DNAH9: variants seen among roughly 807,000 people sequenced by gnomAD.
DNAH9 encodes the protein dynein axonemal heavy chain 9, also known as DNAH9 variant protein.
In DNAH9, 345 loss-of-function variants were observed where a neutral mutation model predicts 471.6. The observed-to-expected ratio is 0.73, with a 90% CI of 0.67 to 0.80. The LOEUF is 0.80. Among genes scored for constraint, DNAH9 ranks in the 30% least tolerant of loss-of-function variants. The pLI, the probability that DNAH9 is intolerant of heterozygous loss-of-function variation, is 0.00. For missense variants in DNAH9, 5,407 were observed against 5,609.2 expected, an observed-to-expected ratio of 0.96 and a Z score of 1.15; for synonymous variants, 2,093 against 2,123.6, an observed-to-expected ratio of 0.99 and a Z score of 0.40.
chr17:11,849,822 G>A (rs1348070597), intron 49 of DNAH9, among the ~76,000 whole-genome samples: 5 of 152,182 alleles, frequency 3.3e-5, no homozygotes, highest in African/African-American at 1.2e-4. Context: ...AAAGGACTTT[G>A]CCTTTCTTGT....
At position 11,689,927 on chromosome 17, in the gene DNAH9, T is replaced by A; in HGVS notation, c.4105T>A (p.Ser1369Thr). The A allele has an allele frequency of 6.2e-7, 1 of 1,610,736 alleles. No individual in the cohort carries two copies. Among genetic ancestry groups the A allele is most frequent in the Non-Finnish European group, 8.5e-7 (1 of 1,178,412 alleles). ...LESTVWNTLS[S>T]LRAVAELQNP... ...AAGCACTGTGTGGAACACGCTGAGC[T>A]CCCTGAGGGCAGTAGCTGAGCTGCA... The change falls in exon 20 of 69, where the codon TCC becomes ACC. Residue 1369 changes from serine (S) to threonine (T), a missense_variant. Physicochemically the swap from Ser to Thr is moderately conservative, Grantham distance 58 (BLOSUM62 1). This residue lies in a region of DNAH9 where 4,636 missense variants were observed against 4,900.3 expected (regional missense o/e 0.95). Transcript: ENST00000262442.
At chr17:11,672,705 G>T (rs2150732234) in intron 17 of DNAH9, among the ~76,000 whole-genome samples, 1 of 152,006 alleles carries the variant, frequency 6.6e-6, no homozygotes, top group Non-Finnish European at 1.5e-5. Flanking sequence ...CCATCACACT[G>T]GCTCTTACAT....
chr17:11,875,064 C>T lies in DNAH9; in HGVS notation c.10358C>T (p.Ala3453Val), dbSNP rs761210406. 6.2e-7 allele frequency: 1 copy of T among 1,614,056 alleles called. No individual in the cohort carries two copies. Among genetic ancestry groups the T allele is most frequent in the East Asian group, 2.2e-5 (1 of 44,876 alleles). ...GCCGACCGCATGTCCGTGGAGAATG[C>T]CACCATTCTCATCAACTGTGAGCGC... ...LPADRMSVEN[A>V]TILINCERWP... The change falls in exon 53 of 69, where the codon GCC becomes GTC. Residue 3453 changes from alanine to valine, a missense_variant. By Grantham distance (64) the Ala-to-Val change is moderately conservative (BLOSUM62 0). Coordinates refer to ENST00000262442, the MANE Select transcript of DNAH9 (RefSeq NM_001372.4).
At chr17:11,730,290 G>A (rs2075236137) in intron 28 of DNAH9, among the ~76,000 whole-genome samples, 3 of 152,128 alleles carry the variant, frequency 2.0e-5, no homozygotes. Flanking sequence ...GCTATGGTGA[G>A]AGTCCTTCCA....
intron 20 of DNAH9, among the ~76,000 whole-genome samples, chr17:11,692,688 T>C (rs983676740): frequency 6.6e-5 from 10 of 152,118 alleles, no homozygotes; most frequent in African/African-American, 2.4e-4. Flanking sequence ...CCTTTTTTTT[T>C]TCTCTCATTC....
At chr17:11,698,802 A>G (rs2074538427) in intron 22 of DNAH9, among the ~76,000 whole-genome samples, 1 of 151,326 alleles carries the variant, frequency 6.6e-6, no homozygotes, top group Non-Finnish European at 1.5e-5. Flanking sequence ...TCCTAGCACT[A>G]CAGCCCCAGG....
chr17:11,833,283 C>T (rs1015250881), intron 48 of DNAH9, among the ~76,000 whole-genome samples: 1 of 152,206 alleles, frequency 6.6e-6, no homozygotes, highest in Non-Finnish European at 1.5e-5. Context: ...TACTGTTCAA[C>T]TTTAATCTGG....
At chr17:11,682,318 A>T (rs1410772958) in intron 19 of DNAH9, among the ~76,000 whole-genome samples, 9 of 152,034 alleles carry the variant, frequency 5.9e-5, no homozygotes, top group Admixed American at 5.9e-4. Flanking sequence ...CATCATAATC[A>T]TAGCCTACTG....
chr17:11,733,221 T>C (rs988117147), intron 28 of DNAH9, among the ~76,000 whole-genome samples: 2 of 152,068 alleles, frequency 1.3e-5, no homozygotes, highest in Non-Finnish European at 2.9e-5. Context: ...GACCACAAAA[T>C]GAGCCACTCT....
At chr17:11,830,678 G>A (rs1970657759) in intron 48 of DNAH9, among the ~76,000 whole-genome samples, 1 of 152,168 alleles carries the variant, frequency 6.6e-6, no homozygotes, top group South Asian at 2.1e-4. Context: ...GTTTTTGATG[G>A]CAACCAATGA....
At chr17:11,701,897 G>T (rs2074605822) in intron 24 of DNAH9, among the ~76,000 whole-genome samples, 1 of 152,106 alleles carries the variant, frequency 6.6e-6, no homozygotes, top group African/African-American at 2.4e-5. Flanking sequence ...GGCCAGGCTG[G>T]TCTCAAACTC....
intron 66 of DNAH9, 27 bp from the exon 67 acceptor site, chr17:11,942,276 A>C: frequency 6.2e-7 from 1 of 1,608,658 alleles, no homozygotes; most frequent in Non-Finnish European, 8.5e-7. Flanking sequence ...GCCCTTTCTT[A>C]ACGCTGTGTT....
chr17:11,927,009 C>T (rs1475633472), intron 62 of DNAH9, among the ~76,000 whole-genome samples: 2 of 152,104 alleles, frequency 1.3e-5, no homozygotes, highest in Non-Finnish European at 2.9e-5. Context: ...TAATGATCAA[C>T]GATGTTGAGC....
intron 22 of DNAH9, among the ~76,000 whole-genome samples, 180 bp downstream of exon 22, chr17:11,694,627 TTTCTTG>T (rs2074400259): frequency 5.0e-4 from 2 of 4,020 alleles, no homozygotes; most frequent in African/African-American, 6.1e-4. Flanking sequence ...GCTTTCTTGC[TTTCTTG>T]CTTTCTTGCT....
At chr17:11,856,543 CAA>C (rs34782323) in intron 50 of DNAH9, among the ~76,000 whole-genome samples, 94 of 137,084 alleles carry the variant, frequency 6.9e-4, no homozygotes, top group African/African-American at 2.2e-3. Context: ...ACTAAAAATA[CAA>C]AAAAAAAAAA....
chr17:11,679,857 C>A lies in DNAH9; in HGVS notation c.3454C>A (p.Leu1152Ile), dbSNP rs1454119078. The A allele has an allele frequency of 6.2e-7, 1 of 1,613,854 alleles. No homozygotes were observed. ...AGGCTTGGTTGAGATCATGGGACAC[C>A]TTATGGCTGTTAAAGAACGGCAGAG... ...FQGLVEIMGH[L>I]MAVKERQSNT... Residue 1152 changes from leucine (L) to isoleucine (I), a missense_variant, in exon 18 of 69, where the codon CTT becomes ATT. Physicochemically the swap from Leu to Ile is conservative, Grantham distance 5 (BLOSUM62 2). Coordinates refer to ENST00000262442, the MANE Select transcript of DNAH9 (RefSeq NM_001372.4).
intron 61 of DNAH9, among the ~76,000 whole-genome samples, chr17:11,920,620 C>CAAAAA (rs778741343): frequency 1.8e-4 from 11 of 61,980 alleles, no homozygotes; most frequent in East Asian, 6.7e-4. Flanking sequence ...GACTCCATCT[C>CAAAAA]AAAAAAAAAA....
chr17:11,693,814 C>T, intron 20 of DNAH9, 54 bp from the exon 21 acceptor site: 1 of 1,604,780 alleles, frequency 6.2e-7, no homozygotes, highest in Non-Finnish European at 8.5e-7. Flanking sequence ...ATGGAGGGAG[C>T]TTCTAGGAAC....
rs577949333 is a variant in DNAH9 at position 11,832,459 on chromosome 17, A to G, written c.9247-2179A>G. ...CTCAATCATTTTGATTTACAATTGC[A>G]TCTTTGTCCCTGTAGAAATAACTCT... is the stretch of plus-strand genomic sequence containing the variant. On this transcript the variant is annotated intron_variant, in intron 48 of 68. Transcript: ENST00000262442. 2.0e-5 allele frequency among the ~76,000 whole-genome samples: 3 copies of G among 152,336 alleles called. No homozygotes were observed. In the South Asian group the frequency reaches 6.2e-4, roughly 32 times the overall value.
Sources: gnomAD v4.1 joint callset for allele counts (sites outside exome capture counted in the v4.1 genomes callset) on GRCh38, gnomAD v4.1.1 for gene constraint, gnomAD v4.1.1 regional missense constraint, MANE v1.5 for transcripts, NCBI Gene and HGNC (gene_info 2026-07-23, HGNC 2026-07-21) for gene names.